CALCR: variants seen among roughly 807,000 people sequenced by gnomAD.
CALCR encodes the protein calcitonin receptor.
A neutral mutation model predicts 59.5 loss-of-function variants in CALCR; 47 were observed. The ratio of observed to expected loss-of-function variants is 0.79; its 90% confidence interval spans 0.63 to 1.01. The LOEUF is 1.01. Among genes scored for constraint, CALCR ranks in the 50% least tolerant of loss-of-function variants. CALCR has a pLI of 0.00. For missense variants in CALCR, 566 were observed against 597.1 expected, an observed-to-expected ratio of 0.95 and a Z score of 0.54; for synonymous variants, 213 against 211.3, an observed-to-expected ratio of 1.01 and a Z score of -0.07.
In CALCR at chr7:93,564,915, T is replaced by C. The variant is rs192422226; in HGVS notation, c.-27+9374A>G. ...GTGGAAAGACTCAAACAGTGAGGCT[T>C]TTCCTTAGGAAGGCTGGCTTCTAGA... On this transcript the variant is annotated intron_variant, in intron 2 of 13. Coordinates refer to ENST00000426151, the MANE Select transcript of CALCR (RefSeq NM_001742.4). 4.8e-4 allele frequency among the ~76,000 whole-genome samples: 73 copies of C among 152,298 alleles called. No individual in the cohort carries two copies. In the East Asian group the frequency reaches 0.012, roughly 25 times the overall value.
chr7:93,479,631 T>A, intron 3 of CALCR, 124 bp from the exon 4 acceptor site: 1 of 812,684 alleles, frequency 1.2e-6, no homozygotes. Flanking sequence ...ATTCATGGTC[T>A]CTATGTACAG....
chr7:93,432,624 G>A (rs570689617), intron 13 of CALCR, among the ~76,000 whole-genome samples: 45 of 152,276 alleles, frequency 3.0e-4, no homozygotes, highest in Middle Eastern at 3.4e-3. Flanking sequence ...CCCTGGGTTT[G>A]CTTTCTATGT....
chr7:93,438,397 C>G, intron 9 of CALCR, 127 bp from the exon 10 acceptor site: 1 of 712,620 alleles, frequency 1.4e-6, no homozygotes, highest in Non-Finnish European at 2.5e-6. Context: ...AAGATGTTCC[C>G]CTGATATTTT....
chr7:93,460,595 A>ATATATATACATG lies in CALCR; in HGVS notation c.648+225_648+226insCATGTATATATA, dbSNP rs1800309895. ...AAAATATATATATATATATATATGT[A>ATATATATACATG]TATATATATATATATATGGTTTGTT... On this transcript the variant is annotated intron_variant, in intron 8 of 13. Coordinates refer to ENST00000426151, the MANE Select transcript of CALCR (RefSeq NM_001742.4). Among the ~76,000 whole-genome samples the ATATATATACATG allele has an allele frequency of 2.2e-4, 17 of 77,824 alleles. 1 individual carries two copies. In the South Asian group the frequency reaches 8.5e-3, roughly 39 times the overall value. The allele number at this position is 77,824 out of a possible 152,430, so 51.1% of individuals were successfully genotyped here. A position where few individuals can be genotyped will look rare whatever the true frequency, so the allele number is the denominator to read the frequency against.
chr7:93,573,190 C>T lies in CALCR; in HGVS notation c.-27+1099G>A, dbSNP rs371549113. ...GCTAGCAATATCCTATTAGAAATTA[C>T]ACTTTATAAATTCCATAATACTAAA... On this transcript the variant is annotated intron_variant, in intron 2 of 13. Coordinates refer to ENST00000426151, the MANE Select transcript of CALCR (RefSeq NM_001742.4). Among the ~76,000 whole-genome samples the T allele has an allele frequency of 3.3e-4, 50 of 152,280 alleles. No homozygotes were observed. In the South Asian group the frequency reaches 0.01, roughly 32 times the overall value.
chr7:93,515,320 TG>T (rs1359950921), intron 2 of CALCR, among the ~76,000 whole-genome samples: 2 of 151,992 alleles, frequency 1.3e-5, no homozygotes, highest in Non-Finnish European at 2.9e-5. Flanking sequence ...CTATGGGAGA[TG>T]AACTCCTAGG....
chr7:93,463,024 T>C (rs1285280624), intron 7 of CALCR, among the ~76,000 whole-genome samples: 2 of 151,978 alleles, frequency 1.3e-5, no homozygotes, highest in South Asian at 4.1e-4. Context: ...TAAAAATGTA[T>C]TTAAGAAAAA....
chr7:93,463,756 G>A (rs979681665), intron 7 of CALCR, among the ~76,000 whole-genome samples: 8 of 151,854 alleles, frequency 5.3e-5, no homozygotes, highest in African/African-American at 1.2e-4. Flanking sequence ...CAAATACGTC[G>A]CTTAAATGAA....
intron 2 of CALCR, among the ~76,000 whole-genome samples, chr7:93,509,714 G>T: frequency 6.6e-6 from 1 of 151,986 alleles, no homozygotes; most frequent in East Asian, 1.9e-4. Flanking sequence ...TTTATTCCAG[G>T]AATAATGTTG....
chr7:93,460,554 TAAAAAAA>T (rs71537257), intron 8 of CALCR, among the ~76,000 whole-genome samples: 22 of 79,288 alleles, frequency 2.8e-4, no homozygotes, highest in African/African-American at 1.7e-3. Context: ...AGACTCTATC[TAAAAAAA>T]AAAAAAAAAA....
At chr7:93,486,318 C>T (rs1039023784) in intron 3 of CALCR, among the ~76,000 whole-genome samples, 9 of 151,558 alleles carry the variant, frequency 5.9e-5, no homozygotes, top group Non-Finnish European at 8.9e-5. Flanking sequence ...ATTATATTTC[C>T]GATTACTTGC....
rs1472868045 is a variant in CALCR at position 93,426,506 on chromosome 7, A to C, written c.1275T>G (p.Ser425=). ...CCGCAGCAGCGGCTGCAGCGCGAGCAGAGCGGTTGGAGGGGCGCCTCCCCC... is the reference window on the plus strand; with the variant it reads ...CCGCAGCAGCGGCTGCAGCGCGAGCCGAGCGGTTGGAGGGGCGCCTCCCCC... ...QRWGRRPSNR[S]ARAAAAAAEA... is the part of the protein sequence containing the mutation. The change falls in exon 14 of 14, where the codon TCT becomes TCG. Residue 425 remains serine (S), a synonymous_variant. Transcript: ENST00000426151. The C allele has an allele frequency of 2.5e-6, 4 of 1,613,986 alleles. No individual in the cohort carries two copies. Among genetic ancestry groups the C allele is most frequent in the Non-Finnish European group, 3.4e-6 (4 of 1,179,904 alleles).
intron 2 of CALCR, among the ~76,000 whole-genome samples, chr7:93,528,143 T>G (rs1313804510): frequency 1.3e-5 from 2 of 152,186 alleles, no homozygotes; most frequent in Non-Finnish European, 1.5e-5. Flanking sequence ...TTTCGTACAC[T>G]TCTAACAAAG....
intron 2 of CALCR, among the ~76,000 whole-genome samples, chr7:93,494,906 T>C (rs773676603): frequency 6.6e-5 from 10 of 151,024 alleles, no homozygotes; most frequent in Non-Finnish European, 1.5e-4. Context: ...CTGTGGAAAA[T>C]CCGGGATGAA....
At chr7:93,431,988 G>A (rs1799668205) in intron 13 of CALCR, among the ~76,000 whole-genome samples, 1 of 152,066 alleles carries the variant, frequency 6.6e-6, no homozygotes, top group Non-Finnish European at 1.5e-5. Context: ...CACTCACTTG[G>A]AAGAGTCATT....
chr7:93,571,147 G>C (rs1789994949), intron 2 of CALCR, among the ~76,000 whole-genome samples: 1 of 151,992 alleles, frequency 6.6e-6, no homozygotes, highest in Non-Finnish European at 1.5e-5. Flanking sequence ...TTATCACTTG[G>C]TTTTATAACA....
chr7:93,468,250 C>T (rs1053242771), intron 7 of CALCR, among the ~76,000 whole-genome samples: 5 of 151,726 alleles, frequency 3.3e-5, no homozygotes, highest in African/African-American at 1.2e-4. Context: ...TTTGTAGAAA[C>T]ATGCTCTGAT....
chr7:93,427,240 A>T (rs536764676), intron 13 of CALCR, among the ~76,000 whole-genome samples: 2 of 152,376 alleles, frequency 1.3e-5, no homozygotes, highest in South Asian at 4.1e-4. Context: ...AGATGCTAAC[A>T]TCAGAAAGCT....
intron 2 of CALCR, among the ~76,000 whole-genome samples, chr7:93,502,385 C>T (rs1171368847): frequency 6.6e-6 from 1 of 152,142 alleles, no homozygotes; most frequent in Non-Finnish European, 1.5e-5. Flanking sequence ...TTCCACATTT[C>T]ACACTGATTC....
Sources: gnomAD v4.1 joint callset for allele counts (sites outside exome capture counted in the v4.1 genomes callset) on GRCh38, gnomAD v4.1.1 for gene constraint, MANE v1.5 for transcripts, NCBI Gene and HGNC (gene_info 2026-07-23, HGNC 2026-07-21) for gene names.